The following CHD9 variants were observed in gnomAD, a reference collection of about 807,000 sequenced individuals.
CHD9 encodes ATP-dependent chromatin remodeler CHD9.
A neutral mutation model predicts 316.1 loss-of-function variants in CHD9; 77 were observed. The observed-to-expected ratio is 0.24, with a 90% CI of 0.20 to 0.29. CHD9 has a LOEUF of 0.29. Ranked by LOEUF, CHD9 falls within the 10% of genes least tolerant of loss-of-function variation. The probability of loss-of-function intolerance (pLI) is 1.00; values close to 1 mark genes in which losing one functional copy is unlikely to be tolerated. For synonymous variants in CHD9, 1,129 were observed against 1,158.3 expected (o/e 0.97, Z 0.51); for missense variants, 2,763 against 3,438.1 (o/e 0.80, Z 4.91).
chr16:53,319,713 C>T, intron 37 of CHD9: 1 of 561,138 alleles, frequency 1.8e-6, no homozygotes, highest in African/African-American at 2.0e-5. Flanking sequence ...TGATATTAAA[C>T]ATTCTAAATT....
chr16:53,293,191 A>G (rs1054599339), intron 29 of CHD9, 139 bp downstream of exon 29: 4 of 664,072 alleles, frequency 6.0e-6, no homozygotes, highest in Non-Finnish European at 1.0e-5. Context: ...GTGCACATAC[A>G]CACATATACT....
In CHD9 at chr16:53,314,807, T is replaced by G; in HGVS notation, c.7363-16T>G. On this transcript the variant is annotated splice_polypyrimidine_tract_variant and intron_variant, in intron 35 of 38. Transcript: ENST00000447540. ...AAAGTATGAAAATAAAGATACCATT[T>G]GGTGTTTTTTTACAGGTTTCTTTAG... 6.6e-7 allele frequency: 1 copy of G among 1,516,610 alleles called. No individual in the cohort carries two copies. Among genetic ancestry groups the G allele is most frequent in the Non-Finnish European group, 9.1e-7 (1 of 1,101,736 alleles). 93.9% of individuals were successfully genotyped at this position (1,516,610 alleles called of 1,614,324 possible).
At chr16:53,186,713 G>A (rs551162069) in intron 2 of CHD9, among the ~76,000 whole-genome samples, 48 of 152,264 alleles carry the variant, frequency 3.2e-4, no homozygotes, top group African/African-American at 1.1e-3. Context: ...TTGAATCATG[G>A]GGGTGGTTTT....
Position 53,260,684 on chromosome 16 carries a change from G to A in CHD9, c.4210-2303G>A, listed in dbSNP as rs568831217. On this transcript the variant is annotated intron_variant, in intron 19 of 38. Transcript: ENST00000447540. ...GGGATAAAATCAAGGTGTCAGTAGG[G>A]CTGGTTCATTCTGGAAGCTTTAGGG... is the stretch of plus-strand genomic sequence containing the variant. 4.7e-4 allele frequency among the ~76,000 whole-genome samples: 72 copies of A among 152,220 alleles called. 2 individuals are homozygous for A. The South Asian group carries it at 0.013, about 28-fold the overall frequency.
At chr16:53,287,906 G>A (rs2054019258) in intron 26 of CHD9, 51 bp from the exon 27 acceptor site, 1 of 1,404,086 alleles carries the variant, frequency 7.1e-7, no homozygotes. Flanking sequence ...CCTATCAAGT[G>A]AAATCTTAAG....
intron 2 of CHD9, among the ~76,000 whole-genome samples, chr16:53,204,064 C>T (rs200158611): frequency 0.045 from 3,568 of 80,128 alleles, 325 homozygotes; most frequent in African/African-American, 0.13. Flanking sequence ...TATATACACA[C>T]ACACACACAC....
chr16:53,194,666 G>A (rs1010187914), intron 2 of CHD9, among the ~76,000 whole-genome samples: 2 of 152,190 alleles, frequency 1.3e-5, no homozygotes, highest in African/African-American at 4.8e-5. Flanking sequence ...AGAAATGTGA[G>A]TATAGATTTA....
intron 1 of CHD9, among the ~76,000 whole-genome samples, chr16:53,138,834 C>G (rs1329106322): frequency 1.3e-5 from 2 of 152,074 alleles, no homozygotes; most frequent in Non-Finnish European, 2.9e-5. Context: ...AAAATGGAGG[C>G]AACAGATCAC....
At chr16:53,185,105 C>T (rs916369957) in intron 2 of CHD9, among the ~76,000 whole-genome samples, 3 of 152,150 alleles carry the variant, frequency 2.0e-5, no homozygotes, top group African/African-American at 7.2e-5. Flanking sequence ...TGGGGCACTG[C>T]TGTAAAGATA....
rs369289241 is a variant in CHD9 at position 53,273,729 on chromosome 16, C to T, written c.4821C>T (p.Pro1607=). Residue 1607 remains proline, a synonymous_variant, in exon 23 of 39, where the codon CCC becomes CCT. Transcript: ENST00000447540. ...CAGAATGGCTTCGAAAATATAATCCCGAGCAGCTCCTTCAAGATGAAGGCT... is the reference window on the plus strand; with the variant it reads ...CAGAATGGCTTCGAAAATATAATCCTGAGCAGCTCCTTCAAGATGAAGGCT... The part of the protein sequence containing the change: ...QKAEWLRKYN[P]EQLLQDEGYK... 1.2e-5 allele frequency: 20 copies of T among 1,613,354 alleles called. No individual in the cohort carries two copies. The highest frequency in any genetic ancestry group is 9.9e-5 in the South Asian group (9 of 91,038).
chr16:53,234,599 T>TTTTTAGG (rs1490917332), intron 10 of CHD9, among the ~76,000 whole-genome samples: 1 of 152,152 alleles, frequency 6.6e-6, no homozygotes, highest in Non-Finnish European at 1.5e-5. Context: ...ATTTTTGGTT[T>TTTTTAGG]TTTTATGTTT....
chr16:53,196,196 A>G (rs547315056), intron 2 of CHD9, among the ~76,000 whole-genome samples: 3 of 152,284 alleles, frequency 2.0e-5, no homozygotes, highest in South Asian at 4.1e-4. Context: ...TCTCATCTGC[A>G]TGTGTTTGTG....
At chr16:53,118,888 G>A (rs2038524443) in intron 1 of CHD9, among the ~76,000 whole-genome samples, 1 of 151,384 alleles carries the variant, frequency 6.6e-6, no homozygotes, top group Non-Finnish European at 1.5e-5. Context: ...CACCTCCCGG[G>A]TTCAAGCAAT....
At chr16:53,171,312 G>A (rs913346093) in intron 2 of CHD9, among the ~76,000 whole-genome samples, 26 of 151,646 alleles carry the variant, frequency 1.7e-4, no homozygotes, top group Admixed American at 5.9e-4. Flanking sequence ...CCAGCTGCTC[G>A]GGAGGCTGAG....
At position 53,185,042 on chromosome 16, in the gene CHD9, TC is replaced by T. The variant is rs2043863706; in HGVS notation, c.1453-24439del. ...TATACATTACCCAGTTTTGGGAAGT[TC>T]TTTATAGCAATGTGAGAACAAACTA... On this transcript the variant is annotated intron_variant, in intron 2 of 38. Transcript: ENST00000447540. 2.0e-5 allele frequency among the ~76,000 whole-genome samples: 3 copies of T among 152,288 alleles called. No homozygotes were observed. In the South Asian group the frequency reaches 6.2e-4, roughly 32 times the overall value.
chr16:53,105,158 GT>G (rs1305798303), intron 1 of CHD9, among the ~76,000 whole-genome samples: 1 of 151,976 alleles, frequency 6.6e-6, no homozygotes, highest in Non-Finnish European at 1.5e-5. Flanking sequence ...AAAATATTAA[GT>G]TTATTTATTT....
In CHD9 at chr16:53,247,163, A is replaced by G. The variant is rs2049707877; in HGVS notation, c.3455-130A>G. 32 of 646,904 alleles carry G rather than the reference A, an allele frequency of 4.9e-5. No homozygotes were observed. The South Asian group carries it at 6.4e-4, about 13-fold the overall frequency. The allele number at this position is 646,904 out of a possible 1,614,324, so 40.1% of individuals were successfully genotyped here. ...AACAAGCTTAAATAATTCTAATAAAAGCAATGTACATGCCATTAGAAAATT... is the reference window on the plus strand; with the variant it reads ...AACAAGCTTAAATAATTCTAATAAAGGCAATGTACATGCCATTAGAAAATT... On this transcript the variant is annotated intron_variant, in intron 15 of 38. Transcript: ENST00000447540.
intron 30 of CHD9, 69 bp downstream of exon 30, chr16:53,297,227 C>A: frequency 2.7e-6 from 3 of 1,128,610 alleles, no homozygotes; most frequent in South Asian, 1.3e-5. Flanking sequence ...CGGAAATTTC[C>A]AATTTGTCTC....
intron 20 of CHD9, 70 bp from the exon 21 acceptor site, chr16:53,267,223 TA>T: frequency 1.0e-6 from 1 of 973,954 alleles, no homozygotes; most frequent in Non-Finnish European, 1.4e-6. Flanking sequence ...TTGTATAAGG[TA>T]AAAATGTAGA....
Sources: allele counts gnomAD v4.1 joint callset (sites outside exome capture counted in the v4.1 genomes callset), GRCh38; gene constraint gnomAD v4.1.1; transcripts MANE v1.5; gene names NCBI Gene and HGNC (gene_info 2026-07-23, HGNC 2026-07-21).